The following CSMD1 variants were observed in gnomAD, a reference collection of about 807,000 sequenced individuals.
CSMD1 encodes the protein CUB and Sushi multiple domains 1, also known as CUB and sushi domain-containing protein 1.
Under a neutral mutation model 417.5 loss-of-function variants are expected in CSMD1, and 213 were observed. The ratio of observed to expected loss-of-function variants is 0.51; its 90% CI spans 0.46 to 0.57. CSMD1 has a LOEUF of 0.57. CSMD1 is among the 20% of genes least tolerant of loss of function. The probability of loss-of-function intolerance (pLI) is 0.00; values close to 1 mark genes in which losing one functional copy is unlikely to be tolerated. For synonymous variants in CSMD1, 2,862 were observed against 1,736.8 expected, an observed-to-expected ratio of 1.65 and a Z score of -16.11; for missense variants, 6,923 against 4,529.7, an observed-to-expected ratio of 1.53 and a Z score of -15.17.
chr8:4,809,277 A>C (rs150571142), intron 1 of CSMD1, among the ~76,000 whole-genome samples: 396 of 152,324 alleles, frequency 2.6e-3, no homozygotes, highest in African/African-American at 9.2e-3. Context: ...CAATAAGAAA[A>C]TCATTAAATG....
intron 1 of CSMD1, among the ~76,000 whole-genome samples, chr8:4,837,623 G>A (rs1487589922): frequency 2.0e-5 from 3 of 152,066 alleles, no homozygotes; most frequent in Non-Finnish European, 2.9e-5. Context: ...AGGACAGTAG[G>A]GAGTTGCTGG....
At chr8:4,812,528 T>C (rs1476091395) in intron 1 of CSMD1, among the ~76,000 whole-genome samples, 1 of 152,216 alleles carries the variant, frequency 6.6e-6, no homozygotes, top group African/African-American at 2.4e-5. Context: ...ATACATTCTA[T>C]GTTTGCAACA....
Position 3,120,703 on chromosome 8 carries a change from C to CGGGG in CSMD1, c.6242-2117_6242-2116insCCCC, listed in dbSNP as rs145611759. Among the ~76,000 whole-genome samples the CGGGG allele has an allele frequency of 5.4e-3, 740 of 138,258 alleles. 12 individuals carry two copies. Among genetic ancestry groups the CGGGG allele is most frequent in the African/African-American group, 0.021 (695 of 32,536 alleles). The allele number at this position is 138,258 out of a possible 152,430, so 90.7% of individuals were successfully genotyped here. On this transcript the variant is annotated intron_variant, in intron 41 of 69. Coordinates refer to ENST00000635120, the MANE Select transcript of CSMD1 (RefSeq NM_033225.6). ...CTCTACTAAAAATACAAAAATTAGC[C>CGGGG]AGGGGGGGTGACCGGCACCTGTAAT... is the stretch of plus-strand genomic sequence containing the variant.
At chr8:4,786,906 G>C (rs902730959) in intron 1 of CSMD1, among the ~76,000 whole-genome samples, 1 of 152,168 alleles carries the variant, frequency 6.6e-6, no homozygotes, top group African/African-American at 2.4e-5. Flanking sequence ...GATAAAAGTA[G>C]TTTAGCTAGT....
At chr8:3,338,875 T>G (rs1807453015) in intron 23 of CSMD1, among the ~76,000 whole-genome samples, 1 of 151,794 alleles carries the variant, frequency 6.6e-6, no homozygotes, top group East Asian at 1.9e-4. Flanking sequence ...AGGGTACATG[T>G]GCACATTGTG....
chr8:3,354,770 C>T (rs1808629790), intron 21 of CSMD1, among the ~76,000 whole-genome samples: 1 of 141,578 alleles, frequency 7.1e-6, no homozygotes, highest in African/African-American at 2.7e-5. Context: ...GAATTATATA[C>T]AGTTTAGTGA....
chr8:4,073,716 C>T (rs1585255259), intron 3 of CSMD1, among the ~76,000 whole-genome samples: 1 of 152,092 alleles, frequency 6.6e-6, no homozygotes, highest in Non-Finnish European at 1.5e-5. Context: ...CAAATATTGA[C>T]TTGTATAGAC....
chr8:4,424,496 C>G (rs1379263349), intron 2 of CSMD1, among the ~76,000 whole-genome samples: 1 of 151,880 alleles, frequency 6.6e-6, no homozygotes. Context: ...AAATACCGCA[C>G]ATGATATTTC....
At chr8:2,971,570 G>C (rs961421609) in intron 57 of CSMD1, among the ~76,000 whole-genome samples, 1 of 152,104 alleles carries the variant, frequency 6.6e-6, no homozygotes, top group African/African-American at 2.4e-5. Context: ...ACATCACCTT[G>C]TTAAAATATT....
At chr8:3,794,618 A>T (rs1159105847) in intron 5 of CSMD1, among the ~76,000 whole-genome samples, 2 of 151,622 alleles carry the variant, frequency 1.3e-5, no homozygotes, top group Admixed American at 6.6e-5. Context: ...ATTAATAATT[A>T]TTTTTTAATT....
At chr8:3,667,684 G>T (rs1035812006) in intron 7 of CSMD1, among the ~76,000 whole-genome samples, 7 of 152,164 alleles carry the variant, frequency 4.6e-5, no homozygotes, top group Non-Finnish European at 7.3e-5. Context: ...TCCACGCATG[G>T]TGATGACTGA....
intron 2 of CSMD1, among the ~76,000 whole-genome samples, chr8:4,605,532 A>C (rs1445810177): frequency 2.0e-5 from 3 of 152,206 alleles, no homozygotes; most frequent in Non-Finnish European, 2.9e-5. Context: ...TTAACAGAAA[A>C]ATTACAATTA....
intron 3 of CSMD1, among the ~76,000 whole-genome samples, chr8:4,387,708 G>C (rs537717150): frequency 2.6e-5 from 4 of 151,372 alleles, no homozygotes; most frequent in South Asian, 4.2e-4. Context: ...TGAGGCAATA[G>C]TACTTTATTT....
intron 3 of CSMD1, among the ~76,000 whole-genome samples, chr8:4,189,233 C>A (rs182095879): frequency 6.6e-6 from 1 of 152,352 alleles, no homozygotes; most frequent in African/African-American, 2.4e-5. Context: ...GGACCCATAA[C>A]AGATCTAAGC....
At chr8:3,410,980 T>C (rs1812664311) in intron 12 of CSMD1, among the ~76,000 whole-genome samples, 1 of 152,098 alleles carries the variant, frequency 6.6e-6, no homozygotes, top group African/African-American at 2.4e-5. Flanking sequence ...AATCAGCCCT[T>C]CGAAAAGGAG....
chr8:4,436,618 T>C (rs1445127130), intron 2 of CSMD1, among the ~76,000 whole-genome samples: 34 of 152,246 alleles, frequency 2.2e-4, no homozygotes, highest in Non-Finnish European at 2.9e-5. Flanking sequence ...ATAGGTCTTA[T>C]TCCTTCTTCT....
intron 5 of CSMD1, among the ~76,000 whole-genome samples, chr8:3,877,178 G>C (rs1044734709): frequency 5.3e-5 from 8 of 152,178 alleles, no homozygotes; most frequent in East Asian, 1.9e-4. Flanking sequence ...CAGGAGAAGT[G>C]ACTTTTGGAA....
rs559303768 is a variant in CSMD1, at chr8:3,189,876, A to C, written c.5398+36T>G. On this transcript the variant is annotated intron_variant, in intron 34 of 69. Coordinates refer to ENST00000635120, the MANE Select transcript of CSMD1 (RefSeq NM_033225.6). ...AAGTAACTCTTTGGCACCACCACAG[A>C]GTTCTGGCGGGCAGCCGCTTAGGGA... 4 of 1,523,140 alleles carry C rather than the reference A, an allele frequency of 2.6e-6. No individual in the cohort carries two copies. The East Asian group carries it at 7.3e-5, about 28-fold the overall frequency. 94.4% of individuals were successfully genotyped at this position (1,523,140 alleles called of 1,614,324 possible). A position where few individuals can be genotyped will look rare whatever the true frequency, so the allele number is the denominator to read the frequency against.
intron 6 of CSMD1, among the ~76,000 whole-genome samples, chr8:3,722,627 A>T (rs1264670440): frequency 2.0e-5 from 3 of 152,144 alleles, no homozygotes; most frequent in African/African-American, 7.2e-5. Context: ...CCCATTAGTA[A>T]AACTGTTTGG....
Sources: gnomAD v4.1 joint callset for allele counts (sites outside exome capture counted in the v4.1 genomes callset) on GRCh38, gnomAD v4.1.1 for gene constraint, MANE v1.5 for transcripts, NCBI Gene and HGNC (gene_info 2026-07-23, HGNC 2026-07-21) for gene names.